FAF1: variants seen among roughly 807,000 people sequenced by gnomAD.
FAF1 encodes FAS-associated factor 1.
In FAF1, 25 loss-of-function variants were observed where a neutral mutation model predicts 92.5. The observed-to-expected ratio is 0.27, with a 90% CI of 0.20 to 0.38. The LOEUF is 0.38. Among genes scored for constraint, FAF1 ranks in the 10% least tolerant of loss-of-function variants. The pLI, the probability that FAF1 is intolerant of heterozygous loss-of-function variation, is 1.00. For missense variants in FAF1, 636 were observed against 793.3 expected (o/e 0.80, Z 2.38); for synonymous variants, 234 against 273.2 (o/e 0.86, Z 1.42).
At chr1:50,593,158 A>C (rs1651609278) in intron 9 of FAF1, among the ~76,000 whole-genome samples, 1 of 152,192 alleles carries the variant, frequency 6.6e-6, no homozygotes, top group Non-Finnish European at 1.5e-5. Flanking sequence ...CAGTAATAAT[A>C]AGATATTACC....
chr1:50,908,964 T>C (rs896979317), intron 1 of FAF1, among the ~76,000 whole-genome samples: 8 of 152,358 alleles, frequency 5.3e-5, no homozygotes, highest in Non-Finnish European at 7.3e-5. Context: ...AGTTTCTTCC[T>C]AGCATCGATT....
chr1:50,723,176 G>A (rs1210829120), intron 6 of FAF1, among the ~76,000 whole-genome samples: 3 of 152,172 alleles, frequency 2.0e-5, no homozygotes, highest in Admixed American at 2.0e-4. Flanking sequence ...CAAGATGGGT[G>A]GACCACCTGA....
At chr1:50,745,885 G>A (rs1174013642) in intron 4 of FAF1, among the ~76,000 whole-genome samples, 4 of 152,140 alleles carry the variant, frequency 2.6e-5, no homozygotes, top group African/African-American at 9.7e-5. Context: ...GGCTGGAAGA[G>A]TGCAGAGAGC....
At chr1:50,754,124 T>C (rs1173941231) in intron 4 of FAF1, among the ~76,000 whole-genome samples, 1 of 152,184 alleles carries the variant, frequency 6.6e-6, no homozygotes, top group Non-Finnish European at 1.5e-5. Context: ...CTCCTCATTA[T>C]GGGCCAGGTT....
intron 2 of FAF1, among the ~76,000 whole-genome samples, chr1:50,819,668 A>ACACACACTCT: frequency 8.4e-6 from 1 of 118,888 alleles, no homozygotes; most frequent in African/African-American, 3.4e-5. Flanking sequence ...ACACACACAC[A>ACACACACTCT]CTCTCTCTCT....
At chr1:50,729,056 A>ATTTTTTTTTT (rs1481654972) in intron 6 of FAF1, among the ~76,000 whole-genome samples, 2 of 105,812 alleles carry the variant, frequency 1.9e-5, no homozygotes, top group African/African-American at 9.0e-5. Flanking sequence ...ATATATATAT[A>ATTTTTTTTTT]TATTTTTTTT....
At chr1:50,759,494 T>C (rs1350092768) in intron 4 of FAF1, among the ~76,000 whole-genome samples, 4 of 152,054 alleles carry the variant, frequency 2.6e-5, no homozygotes, top group Non-Finnish European at 5.9e-5. Flanking sequence ...TCATTTTTTA[T>C]GGCTGCATAG....
intron 4 of FAF1, among the ~76,000 whole-genome samples, chr1:50,755,045 CT>C (rs1169363591): frequency 6.6e-6 from 1 of 152,158 alleles, no homozygotes; most frequent in African/African-American, 2.4e-5. Context: ...CATTCTGCCC[CT>C]GGCCCCTCCA....
chr1:50,469,046 G>C (rs1042354752), intron 18 of FAF1, among the ~76,000 whole-genome samples: 3 of 152,030 alleles, frequency 2.0e-5, no homozygotes, highest in African/African-American at 7.3e-5. Flanking sequence ...TTCATATATA[G>C]ACCTATTTAA....
Position 50,451,925 on chromosome 1 carries a change from C to T in FAF1, c.1870-10402G>A, listed in dbSNP as rs111443958. 8.2e-3 allele frequency: 9,206 copies of T among 1,117,086 alleles called. 63 individuals are homozygous for T. Among genetic ancestry groups the T allele is most frequent in the Non-Finnish European group, 9.5e-3 (8,654 of 908,912 alleles). The allele number at this position is 1,117,086 out of a possible 1,614,324, so 69.2% of individuals were successfully genotyped here. On this transcript the variant is annotated intron_variant, in intron 18 of 18. Transcript: ENST00000396153. ...AATGGTCTCAAACTTGGCACACTGT[C>T]GGGGACACCCTGGGCACCAAACAAA...
chr1:50,882,746 G>A (rs1261792907), intron 1 of FAF1, among the ~76,000 whole-genome samples: 1 of 151,976 alleles, frequency 6.6e-6, no homozygotes, highest in Non-Finnish European at 1.5e-5. Flanking sequence ...AGCACTTTGG[G>A]AGGCCAACGT....
At chr1:50,570,695 A>C (rs973050074) in intron 12 of FAF1, among the ~76,000 whole-genome samples, 2 of 152,194 alleles carry the variant, frequency 1.3e-5, no homozygotes, top group Non-Finnish European at 2.9e-5. Context: ...TCAACAAAAA[A>C]TTTTCTGCTG....
chr1:50,888,346 T>C (rs1644687672), intron 1 of FAF1, among the ~76,000 whole-genome samples: 1 of 152,196 alleles, frequency 6.6e-6, no homozygotes, highest in Admixed American at 6.5e-5. Context: ...ATTCCTCTTT[T>C]CTTAATTGAA....
chr1:50,493,781 C>T (rs1646868388), intron 15 of FAF1, among the ~76,000 whole-genome samples: 1 of 152,190 alleles, frequency 6.6e-6, no homozygotes, highest in African/African-American at 2.4e-5. Flanking sequence ...AAGAAAAAGA[C>T]ATAGCTCATC....
chr1:50,703,336 T>C (rs1166519151), intron 7 of FAF1, among the ~76,000 whole-genome samples: 1 of 152,070 alleles, frequency 6.6e-6, no homozygotes, highest in Non-Finnish European at 1.5e-5. Context: ...TCATTGTGGA[T>C]TGAATAGCTG....
At chr1:50,939,193 A>AT (rs1645110540) in intron 1 of FAF1, among the ~76,000 whole-genome samples, 2 of 152,242 alleles carry the variant, frequency 1.3e-5, no homozygotes. Flanking sequence ...CTTCCAATGC[A>AT]TAAGCATGAA....
At chr1:50,618,346 C>T (rs1358528253) in intron 8 of FAF1, among the ~76,000 whole-genome samples, 1 of 150,722 alleles carries the variant, frequency 6.6e-6, no homozygotes, top group Admixed American at 6.6e-5. Context: ...TTCGCTAATA[C>T]TGGTGTTCAC....
chr1:50,653,913 C>T lies in FAF1; in HGVS notation c.744+1529G>A, dbSNP rs183066912. ...AAACTCCTGACCTCAGGTAATCCAC[C>T]GGCTTCGGCCTCCCAAAGTGCTGGG... is the stretch of plus-strand genomic sequence containing the variant. On this transcript the variant is annotated intron_variant, in intron 8 of 18. Transcript: ENST00000396153. 7.7e-4 allele frequency among the ~76,000 whole-genome samples: 117 copies of T among 152,204 alleles called. 1 individual carries two copies. The highest frequency in any genetic ancestry group is 5.7e-3 in the Admixed American group (87 of 15,286).
intron 18 of FAF1, among the ~76,000 whole-genome samples, chr1:50,447,274 C>T (rs1440103755): frequency 2.0e-5 from 3 of 151,796 alleles, no homozygotes; most frequent in Non-Finnish European, 4.4e-5. Context: ...TACAGGTGCC[C>T]GCCACCACGC....
Sources: gnomAD v4.1 joint callset for allele counts (sites outside exome capture counted in the v4.1 genomes callset) on GRCh38, gnomAD v4.1.1 for gene constraint, MANE v1.5 for transcripts, NCBI Gene and HGNC (gene_info 2026-07-23, HGNC 2026-07-21) for gene names.